Variants in KIF13A observed in about 807,000 individuals in gnomAD.
KIF13A encodes kinesin-like protein KIF13A.
In KIF13A, 79 loss-of-function variants were observed where a neutral mutation model predicts 212.2. That is an observed-to-expected ratio of 0.37 (90% CI 0.31 to 0.45). KIF13A has a LOEUF of 0.45. Ranked by LOEUF, KIF13A falls within the 20% of genes least tolerant of loss-of-function variation. The pLI is 1.00. For missense variants in KIF13A, 1,901 were observed against 2,209.0 expected (o/e 0.86, Z 2.79); for synonymous variants, 789 against 808.6 (o/e 0.98, Z 0.41).
At chr6:17,929,550 G>A (rs954413684) in intron 2 of KIF13A, among the ~76,000 whole-genome samples, 16 of 152,124 alleles carry the variant, frequency 1.1e-4, no homozygotes, top group African/African-American at 1.7e-4. Flanking sequence ...ACAGGCGCCC[G>A]CCACCATGCC....
Position 17,984,704 on chromosome 6 carries a change from G to A in KIF13A, c.146+2350C>T. ...ATGGCTAATTCATTGGTAATTTCTT[G>A]CAACTTTCAGAAAAACAGTAATTCT... On this transcript the variant is annotated intron_variant, in intron 2 of 38. Coordinates refer to ENST00000259711, the MANE Select transcript of KIF13A (RefSeq NM_022113.6). The surrounding 1 kb of genome is among the most constrained non-coding windows in gnomAD (Gnocchi z 5.0). 6.6e-6 allele frequency among the ~76,000 whole-genome samples: 1 copy of A among 151,044 alleles called. No individual in the cohort carries two copies. Among genetic ancestry groups the A allele is most frequent in the East Asian group, 1.9e-4 (1 of 5,158 alleles).
At chr6:17,765,687 G>T (rs1758879880) in intron 38 of KIF13A, among the ~76,000 whole-genome samples, 1 of 152,060 alleles carries the variant, frequency 6.6e-6, no homozygotes, top group Non-Finnish European at 1.5e-5. Flanking sequence ...CACAAAAATT[G>T]GTAAATACAT....
intron 3 of KIF13A, chr6:17,882,069 T>A: frequency 2.2e-6 from 1 of 456,974 alleles, no homozygotes; most frequent in Middle Eastern, 3.2e-4. Flanking sequence ...TTAAGATATG[T>A]AATCTGTAAC....
At chr6:17,760,549 T>C (rs948847976), downstream of KIF13A, 1 of 457,524 alleles carries the variant, frequency 2.2e-6, no homozygotes, top group Non-Finnish European at 3.9e-6. Context: ...TGTAGAGGTT[T>C]CTATACAGTG....
In KIF13A at chr6:17,898,040, TGA is replaced by T. The variant is rs1772720806; in HGVS notation, c.159+126_159+127del. On this transcript the variant is annotated intron_variant, in intron 3 of 38. Transcript: ENST00000259711. The surrounding 1 kb of genome is among the most constrained non-coding windows in gnomAD (Gnocchi z 5.2). ...ACACTGATATTAATTGTTCATGATG[TGA>T]GTTTTAAATTAGGATGCTGTTTTCA... 1.3e-6 allele frequency: 1 copy of T among 779,518 alleles called. No homozygotes were observed. Among genetic ancestry groups the T allele is most frequent in the Non-Finnish European group, 2.1e-6 (1 of 483,096 alleles). The allele number at this position is 779,518 out of a possible 1,614,324, so 48.3% of individuals were successfully genotyped here. A position where few individuals can be genotyped will look rare whatever the true frequency, so the allele number is the denominator to read the frequency against.
intron 2 of KIF13A, among the ~76,000 whole-genome samples, chr6:17,972,022 A>G (rs1225835601): frequency 2.0e-5 from 3 of 152,200 alleles, no homozygotes; most frequent in Non-Finnish European, 4.4e-5. Context: ...AGAAAGAAGA[A>G]TACTATTCCA....
chr6:17,959,198 T>C, intron 2 of KIF13A, among the ~76,000 whole-genome samples: 1 of 152,144 alleles, frequency 6.6e-6, no homozygotes, highest in African/African-American at 2.4e-5. Context: ...CATTCAATGT[T>C]TACTCCGTGC....
intron 3 of KIF13A, among the ~76,000 whole-genome samples, chr6:17,881,091 C>T (rs1043889540): frequency 6.6e-6 from 1 of 152,152 alleles, no homozygotes. Context: ...AATCTGAAAG[C>T]TATTGCCTTC....
At position 17,895,319 on chromosome 6, in the gene KIF13A, A is replaced by G. The variant is rs1001034575; in HGVS notation, c.159+2849T>C. Among the ~76,000 whole-genome samples, 7 of 152,124 alleles carry G rather than the reference A, an allele frequency of 4.6e-5. No individual in the cohort carries two copies. The highest frequency in any genetic ancestry group is 1.3e-4 in the Admixed American group (2 of 15,274). On this transcript the variant is annotated intron_variant, in intron 3 of 38. Coordinates refer to ENST00000259711, the MANE Select transcript of KIF13A (RefSeq NM_022113.6). This position sits in a 1 kb window ranked among gnomAD's most constrained non-coding sequence, Gnocchi z 4.4. ...TTGTTCATGTCACATCTTGTCATGTACCTCCTTAACTTTGATGGTGTATTG... is the reference window on the plus strand; with the variant it reads ...TTGTTCATGTCACATCTTGTCATGTGCCTCCTTAACTTTGATGGTGTATTG...
At chr6:17,823,768 A>G (rs1277588046) in intron 16 of KIF13A, among the ~76,000 whole-genome samples, 1 of 150,146 alleles carries the variant, frequency 6.7e-6, no homozygotes, top group African/African-American at 2.5e-5. Flanking sequence ...ATGCCTGGCT[A>G]ATTTCTGTAT....
chr6:17,966,779 G>A (rs1273775320), intron 2 of KIF13A, among the ~76,000 whole-genome samples: 1 of 151,944 alleles, frequency 6.6e-6, no homozygotes. Context: ...TCTTATTATT[G>A]CACGAACAAT....
At chr6:17,923,369 A>G (rs1376351398) in intron 2 of KIF13A, among the ~76,000 whole-genome samples, 1 of 152,036 alleles carries the variant, frequency 6.6e-6, no homozygotes, top group African/African-American at 2.4e-5. Context: ...ATTTAAAAAT[A>G]AAGTAGATGA....
chr6:17,913,552 A>G (rs1774254714), intron 2 of KIF13A, among the ~76,000 whole-genome samples: 1 of 152,100 alleles, frequency 6.6e-6, no homozygotes, highest in South Asian at 2.1e-4. Context: ...GATTTAGGAG[A>G]AATGTTATAT....
Position 17,825,298 on chromosome 6 carries a change from G to T in KIF13A, c.1786+470C>A, listed in dbSNP as rs1407379368. Among the ~76,000 whole-genome samples the T allele has an allele frequency of 1.3e-5, 2 of 152,092 alleles. No homozygotes were observed. Among genetic ancestry groups the T allele is most frequent in the Admixed American group, 6.5e-5 (1 of 15,280 alleles). The stretch of plus-strand genomic sequence containing the variant: ...TATCATTTTTGTAAAAGTGATCTGG[G>T]CTTATTAAATAAATATCTTTGGGGT... On this transcript the variant is annotated intron_variant, in intron 16 of 38. Transcript: ENST00000259711. The surrounding 1 kb of genome is among the most constrained non-coding windows in gnomAD (Gnocchi z 4.5).
In KIF13A at chr6:17,837,081, C is replaced by A. The variant is rs1334588650; in HGVS notation, c.952G>T (p.Gly318Trp). 6.2e-7 allele frequency: 1 copy of A among 1,613,672 alleles called. No individual in the cohort carries two copies. The highest frequency in any genetic ancestry group is 1.1e-5 in the South Asian group (1 of 91,064). ...VLTWLLKDNL[G>W]GNSQTSMIAT... ...ATCATAGAGGTTTGGCTGTTGCCCC[C>A]CAAGTTGTCCTGCCAAGTATTTCAA... The change falls in exon 11 of 39, where the codon GGG (glycine) becomes TGG (tryptophan). Residue 318 changes from glycine (G) to tryptophan (W), a missense_variant. Physicochemically the swap from Gly to Trp is radical, Grantham distance 184. This residue lies in a region of KIF13A where 506 missense variants were observed against 637.4 expected (regional missense o/e 0.79). Coordinates refer to ENST00000259711, the MANE Select transcript of KIF13A (RefSeq NM_022113.6). This position sits in a 1 kb window ranked among gnomAD's most constrained non-coding sequence, Gnocchi z 5.4.
chr6:17,876,204 C>A (rs1301361696), intron 3 of KIF13A, among the ~76,000 whole-genome samples: 1 of 152,136 alleles, frequency 6.6e-6, no homozygotes, highest in Non-Finnish European at 1.5e-5. Context: ...CAGCAAATTA[C>A]AAACCTCCCA....
At chr6:17,800,992 A>G (rs1046804531) in intron 20 of KIF13A, among the ~76,000 whole-genome samples, 1 of 151,434 alleles carries the variant, frequency 6.6e-6, no homozygotes, top group Non-Finnish European at 1.5e-5. Context: ...TCGGCCTCCC[A>G]AAGTGCTGGG....
chr6:17,976,762 AC>A lies in KIF13A; in HGVS notation c.146+10291del, dbSNP rs1358418666. On this transcript the variant is annotated intron_variant, in intron 2 of 38. Transcript: ENST00000259711. ...CGCTGTCACCTCTCAAAATCACGCC[AC>A]CGCACTCTATCCTGGGCAACAGAGC... Among the ~76,000 whole-genome samples, 17 of 146,574 alleles carry A rather than the reference AC, an allele frequency of 1.2e-4. No individual in the cohort carries two copies. The South Asian group carries it at 1.2e-3, about 10-fold the overall frequency.
chr6:17,764,221 G>A lies in KIF13A; in HGVS notation c.5307C>T (p.Gly1769=), dbSNP rs767581931. 36 of 1,613,816 alleles carry A rather than the reference G, an allele frequency of 2.2e-5. No individual in the cohort carries two copies. In the Middle Eastern group the frequency reaches 4.9e-4, roughly 22 times the overall value. ...SSRRSLPNKT[G]GKTVSDGLHH... is the part of the protein sequence containing the mutation. ...GGAGCCCATCGGAGACAGTCTTGCC[G>A]CCTGTTTTATTTGGTAGACTCCTCC... Residue 1769 remains glycine (G), a synonymous_variant, in exon 39 of 39, where the codon GGC becomes GGT. Transcript: ENST00000259711. This position sits in a 1 kb window ranked among gnomAD's most constrained non-coding sequence, Gnocchi z 5.1.
Sources: gnomAD v4.1 joint callset for allele counts (sites outside exome capture counted in the v4.1 genomes callset) on GRCh38, gnomAD v4.1.1 for gene constraint, gnomAD v4.1.1 regional missense constraint, Gnocchi (gnomAD v3.1) non-coding constraint, MANE v1.5 for transcripts, NCBI Gene and HGNC (gene_info 2026-07-23, HGNC 2026-07-21) for gene names.